The following RSBN1 variants were observed in gnomAD, a reference collection of about 807,000 sequenced individuals.
RSBN1 encodes the protein lysine-specific demethylase 9.
RSBN1 carries 23 observed loss-of-function variants against 74.8 expected under a neutral mutation model. The ratio of observed to expected loss-of-function variants is 0.31; its 90% CI spans 0.22 to 0.44. The LOEUF (loss-of-function observed/expected upper bound fraction) is 0.44. Ranked by LOEUF, RSBN1 falls within the 20% of genes least tolerant of loss-of-function variation. RSBN1 has a pLI of 1.00. For missense variants in RSBN1, 808 were observed against 1,020.9 expected (o/e 0.79, Z 2.84); for synonymous variants, 407 against 379.6 (o/e 1.07, Z -0.84).
Position 113,797,456 on chromosome 1 carries a change from G to A in RSBN1, c.1284C>T (p.Tyr428=). 3 of 1,614,058 alleles carry A rather than the reference G, an allele frequency of 1.9e-6. No individual in the cohort carries two copies. The highest frequency in any genetic ancestry group is 1.1e-5 in the South Asian group (1 of 91,084). The change falls in exon 2 of 7, where the codon TAC becomes TAT. Residue 428 remains tyrosine (Y), a synonymous_variant. Coordinates refer to ENST00000261441, the MANE Select transcript of RSBN1 (RefSeq NM_018364.5). ...AAAYLPDFLD[Y]FAFNFPNTPV... is the part of the protein sequence containing the mutation. Reference sequence around the variant, plus strand: ...GAGTGTTGGGGAAATTAAAAGCAAAGTAGTCCAAGAAGTCTGGGAGATAAG... The same window carrying A: ...GAGTGTTGGGGAAATTAAAAGCAAAATAGTCCAAGAAGTCTGGGAGATAAG...
chr1:113,771,769 AAGATATTT>A, intron 4 of RSBN1, among the ~76,000 whole-genome samples: 1 of 151,140 alleles, frequency 6.6e-6, no homozygotes, highest in South Asian at 2.1e-4. Flanking sequence ...AAGAGAACAG[AAGATATTT>A]AGGATGGTCA....
chr1:113,809,622 C>A (rs995678285), intron 1 of RSBN1, among the ~76,000 whole-genome samples: 1 of 152,100 alleles, frequency 6.6e-6, no homozygotes, highest in African/African-American at 2.4e-5. Context: ...CCAAAAAATT[C>A]TTTTTCACCC....
At chr1:113,808,241 C>T (rs1660753104) in intron 1 of RSBN1, among the ~76,000 whole-genome samples, 1 of 152,114 alleles carries the variant, frequency 6.6e-6, no homozygotes, top group Non-Finnish European at 1.5e-5. Context: ...ATAATAATTG[C>T]TTATAACCTA....
intron 1 of RSBN1, among the ~76,000 whole-genome samples, chr1:113,811,160 A>G (rs112090149): frequency 3.1e-3 from 476 of 152,338 alleles, no homozygotes; most frequent in African/African-American, 0.011. Context: ...CTAATATGAA[A>G]ACTTTAAAAT....
intron 1 of RSBN1, among the ~76,000 whole-genome samples, chr1:113,807,867 T>C (rs34649199): frequency 0.22 from 32,850 of 151,276 alleles, 4,471 homozygotes; most frequent in South Asian, 0.38. Context: ...TAAAGAGACA[T>C]TTTACTGACC....
intron 1 of RSBN1, among the ~76,000 whole-genome samples, chr1:113,808,752 C>T (rs936417616): frequency 6.6e-6 from 1 of 152,128 alleles, no homozygotes; most frequent in African/African-American, 2.4e-5. Flanking sequence ...ATAATAGTCT[C>T]AAAATGACAA....
chr1:113,777,929 C>A, intron 2 of RSBN1, 121 bp from the exon 3 acceptor site: 1 of 897,374 alleles, frequency 1.1e-6, no homozygotes, highest in Non-Finnish European at 1.5e-6. Flanking sequence ...ACTGAATGGT[C>A]AATACCTTGA....
chr1:113,773,957 C>A (rs1375707636), intron 4 of RSBN1, among the ~76,000 whole-genome samples: 1 of 152,012 alleles, frequency 6.6e-6, no homozygotes, highest in South Asian at 2.1e-4. Context: ...GAGCCGAGAT[C>A]GCGCCACTGC....
chr1:113,792,748 C>T (rs2101813965), intron 2 of RSBN1, among the ~76,000 whole-genome samples: 1 of 152,048 alleles, frequency 6.6e-6, no homozygotes, highest in East Asian at 1.9e-4. Context: ...GAGCCATGAT[C>T]ACACTTCATG....
Position 113,811,776 on chromosome 1 carries a change from G to A in RSBN1, c.637C>T (p.His213Tyr). 6.2e-7 allele frequency: 1 copy of A among 1,613,738 alleles called. No individual in the cohort carries two copies. The highest frequency in any genetic ancestry group is 1.7e-5 in the Admixed American group (1 of 59,986). ...DPSSCGTDLK[H>Y]KDKQENGERT... ...TCGCCGTTTTCCTGCTTGTCCTTGTGCTTGAGATCGGTTCCGCAGGAGCTG... is the reference window on the plus strand; with the variant it reads ...TCGCCGTTTTCCTGCTTGTCCTTGTACTTGAGATCGGTTCCGCAGGAGCTG... Residue 213 changes from histidine to tyrosine, a missense_variant, in exon 1 of 7, where the codon CAC becomes TAC. This residue lies in a region of RSBN1 where 464 missense variants were observed against 401.0 expected (regional missense o/e 1.16). Coordinates refer to ENST00000261441, the MANE Select transcript of RSBN1 (RefSeq NM_018364.5).
At position 113,812,226 on chromosome 1, in the gene RSBN1, C is replaced by T. The variant is rs1428228132; in HGVS notation, c.187G>A (p.Ala63Thr). ...TCTTTGTCCGGCTCCTCCTGCGCCGCCACCGCCCGTACTACGCGCACCGCT... is the reference window on the plus strand; with the variant it reads ...TCTTTGTCCGGCTCCTCCTGCGCCGTCACCGCCCGTACTACGCGCACCGCT... ...VGAVRVVRAV[A>T]AQEEPDKEGK... The change falls in exon 1 of 7, where the codon GCG (alanine) becomes ACG (threonine). Residue 63 changes from alanine to threonine, a missense_variant. Physicochemically the swap from Ala to Thr is moderately conservative, Grantham distance 58 (BLOSUM62 0). Around this residue, in one of 6 missense-constraint regions of RSBN1, gnomAD observed 464 missense variants for 401.0 expected, o/e 1.16. Coordinates refer to ENST00000261441, the MANE Select transcript of RSBN1 (RefSeq NM_018364.5). 6.2e-7 allele frequency: 1 copy of T among 1,606,948 alleles called. No homozygotes were observed. The highest frequency in any genetic ancestry group is 1.3e-5 in the African/African-American group (1 of 75,028).
intron 2 of RSBN1, among the ~76,000 whole-genome samples, chr1:113,785,704 C>G (rs149498378): frequency 6.6e-6 from 1 of 152,112 alleles, no homozygotes; most frequent in African/African-American, 2.4e-5. Context: ...GATCCTGATC[C>G]GGGGAATAAA....
intron 2 of RSBN1, among the ~76,000 whole-genome samples, chr1:113,785,269 G>T (rs888522335): frequency 6.6e-6 from 1 of 152,036 alleles, no homozygotes; most frequent in African/African-American, 2.4e-5. Context: ...GTCTTCAGGG[G>T]CAATAACACT....
chr1:113,777,878 G>A (rs1660061569), intron 2 of RSBN1, 70 bp from the exon 3 acceptor site: 18 of 1,351,348 alleles, frequency 1.3e-5, no homozygotes, highest in Non-Finnish European at 1.8e-5. Flanking sequence ...ATTAAAATAG[G>A]TTATTGTTTC....
chr1:113,768,170 C>T (rs1016622663), intron 5 of RSBN1, 52 bp downstream of exon 5: 4 of 1,459,300 alleles, frequency 2.7e-6, no homozygotes, highest in South Asian at 1.4e-5. Context: ...ATAGAGTCCA[C>T]ATTGTCTTAT....
chr1:113,772,090 C>G (rs1037630837), intron 4 of RSBN1, among the ~76,000 whole-genome samples: 1 of 152,012 alleles, frequency 6.6e-6, no homozygotes, highest in Non-Finnish European at 1.5e-5. Flanking sequence ...AACTTAATAG[C>G]TGGGTCTGCA....
At chr1:113,800,831 C>A (rs1660569253) in intron 1 of RSBN1, among the ~76,000 whole-genome samples, 1 of 150,774 alleles carries the variant, frequency 6.6e-6, no homozygotes. Context: ...CCAACATGGC[C>A]CATCTCAAAA....
intron 4 of RSBN1, among the ~76,000 whole-genome samples, chr1:113,775,179 C>A (rs968452110): frequency 6.6e-6 from 1 of 151,778 alleles, no homozygotes; most frequent in African/African-American, 2.4e-5. Context: ...CGGCTGCCAC[C>A]ATGCCCAGCT....
intron 1 of RSBN1, among the ~76,000 whole-genome samples, chr1:113,801,833 A>G (rs1660589840): frequency 1.3e-5 from 2 of 152,240 alleles, no homozygotes; most frequent in African/African-American, 4.8e-5. Context: ...GGTAACTATT[A>G]ATACATGACG....
Sources: allele counts gnomAD v4.1 joint callset (sites outside exome capture counted in the v4.1 genomes callset), GRCh38; gene constraint gnomAD v4.1.1; regional missense constraint gnomAD v4.1.1; transcripts MANE v1.5; gene names NCBI Gene and HGNC (gene_info 2026-07-23, HGNC 2026-07-21).